The following CFAP20DC variants were observed in gnomAD, a reference collection of about 807,000 sequenced individuals.
CFAP20DC encodes the protein protein CFAP20DC.
Under a neutral mutation model 101.7 loss-of-function variants are expected in CFAP20DC, and 84 were observed. The observed-to-expected ratio is 0.83, with a 90% CI of 0.69 to 0.99. The LOEUF is 0.99. CFAP20DC is among the 50% of genes least tolerant of loss of function. The pLI is 0.00. For synonymous variants in CFAP20DC, 359 were observed against 351.2 expected (o/e 1.02, Z -0.25); for missense variants, 1,007 against 970.3 (o/e 1.04, Z -0.50).
At chr3:58,949,882 A>G (rs1157990693) in intron 4 of CFAP20DC, among the ~76,000 whole-genome samples, 1 of 152,158 alleles carries the variant, frequency 6.6e-6, no homozygotes, top group Non-Finnish European at 1.5e-5. Context: ...GCCCTCTCTC[A>G]CCACTCCTAT....
intron 4 of CFAP20DC, among the ~76,000 whole-genome samples, chr3:59,008,218 T>C (rs910029258): frequency 3.5e-4 from 54 of 152,294 alleles, no homozygotes; most frequent in Admixed American, 3.2e-3. Flanking sequence ...TGAAAAGAGA[T>C]GCCTGTCTGA....
chr3:58,871,620 C>T (rs2108537118), intron 7 of CFAP20DC, among the ~76,000 whole-genome samples: 1 of 152,030 alleles, frequency 6.6e-6, no homozygotes, highest in South Asian at 2.1e-4. Context: ...CCGCCGCCTC[C>T]TGGGTTCAAG....
intron 12 of CFAP20DC, among the ~76,000 whole-genome samples, chr3:58,855,124 T>A (rs2078650496): frequency 6.6e-6 from 1 of 151,136 alleles, no homozygotes; most frequent in Admixed American, 6.6e-5. Context: ...TACAATGAAC[T>A]CAAACAAATT....
intron 4 of CFAP20DC, among the ~76,000 whole-genome samples, chr3:58,985,482 A>G (rs1395863606): frequency 6.6e-6 from 1 of 152,136 alleles, no homozygotes; most frequent in East Asian, 1.9e-4. Context: ...AATTCATAAA[A>G]ACTATCAATC....
chr3:58,717,962 C>T lies in CFAP20DC; in HGVS notation c.198-334G>A, dbSNP rs1027419372. On this transcript the variant is annotated intron_variant, in intron 3 of 3. Coordinates refer to the CFAP20DC transcript ENST00000486145. This position sits in a 1 kb window ranked among gnomAD's most constrained non-coding sequence, Gnocchi z 4.1. Reference sequence around the variant, plus strand: ...TCTTAATAAGTTCTCTTCTCAAAAGCTTATGATTTTTACCATTCCCATTTG... The same window carrying T: ...TCTTAATAAGTTCTCTTCTCAAAAGTTTATGATTTTTACCATTCCCATTTG... Among the ~76,000 whole-genome samples, 3 of 152,198 alleles carry T rather than the reference C, an allele frequency of 2.0e-5. No homozygotes were observed. The highest frequency in any genetic ancestry group is 4.4e-5 in the Non-Finnish European group (3 of 68,040).
intron 6 of CFAP20DC, among the ~76,000 whole-genome samples, chr3:58,885,876 G>C (rs999863388): frequency 1.3e-5 from 2 of 151,856 alleles, no homozygotes; most frequent in Non-Finnish European, 2.9e-5. Context: ...CACCTATGTT[G>C]ATTCTGTATC....
intron 6 of CFAP20DC, among the ~76,000 whole-genome samples, chr3:58,888,451 C>A: frequency 6.6e-6 from 1 of 151,826 alleles, no homozygotes; most frequent in East Asian, 1.9e-4. Flanking sequence ...GGAGGGTGTG[C>A]AGGTTTATTA....
intron 15 of CFAP20DC, among the ~76,000 whole-genome samples, chr3:58,760,675 C>T (rs2069473286): frequency 6.6e-6 from 1 of 152,158 alleles, no homozygotes; most frequent in Non-Finnish European, 1.5e-5. Flanking sequence ...GTGGGATTGT[C>T]ATAAATAGCT....
Position 58,937,645 on chromosome 3 carries a change from T to C in CFAP20DC, c.393+3A>G, listed in dbSNP as rs1256997528. Reference sequence around the variant, plus strand: ...TTTTAGGCAACATTCATGTGATACTTACAATTTTACGTTTGATCATGAAGA... The same window carrying C: ...TTTTAGGCAACATTCATGTGATACTCACAATTTTACGTTTGATCATGAAGA... On this transcript the variant is annotated splice_donor_region_variant and intron_variant, in intron 5 of 16. Transcript: ENST00000482387. The C allele has an allele frequency of 1.3e-6, 2 of 1,552,680 alleles. No individual in the cohort carries two copies. The highest frequency in any genetic ancestry group is 2.2e-5 in the South Asian group (2 of 89,722).
chr3:58,926,688 C>T (rs1559835042), intron 5 of CFAP20DC, among the ~76,000 whole-genome samples: 1 of 152,138 alleles, frequency 6.6e-6, no homozygotes, highest in Non-Finnish European at 1.5e-5. Context: ...AAACATTATA[C>T]CAGACTTCCA....
Position 58,960,214 on chromosome 3 carries a change from C to T in CFAP20DC, c.279-22452G>A, listed in dbSNP as rs943084110. ...AAATTTTGTCCATCTATTCCTAGGCCGGGCGTGGTGGCTCATGCCTGTAAT... is the reference window on the plus strand; with the variant it reads ...AAATTTTGTCCATCTATTCCTAGGCTGGGCGTGGTGGCTCATGCCTGTAAT... On this transcript the variant is annotated intron_variant, in intron 4 of 16. Transcript: ENST00000482387. Among the ~76,000 whole-genome samples the T allele has an allele frequency of 3.9e-5, 6 of 152,202 alleles. No individual in the cohort carries two copies. The East Asian group carries it at 9.6e-4, about 24-fold the overall frequency.
chr3:58,989,477 T>C (rs1017327912), intron 4 of CFAP20DC, among the ~76,000 whole-genome samples: 2 of 152,122 alleles, frequency 1.3e-5, no homozygotes, highest in Admixed American at 1.3e-4. Flanking sequence ...TATGCAAAGA[T>C]GACACTATAA....
At chr3:59,008,728 G>T (rs534235707) in intron 4 of CFAP20DC, among the ~76,000 whole-genome samples, 1 of 152,020 alleles carries the variant, frequency 6.6e-6, no homozygotes, top group Non-Finnish European at 1.5e-5. Context: ...GAGGAGGGGG[G>T]AGGGATAGCA....
rs959332039 is a variant in CFAP20DC at position 58,809,420 on chromosome 3, A to G, written c.2176-2964T>C. On this transcript the variant is annotated intron_variant, in intron 14 of 16. Coordinates refer to ENST00000482387, the MANE Select transcript of CFAP20DC (RefSeq NM_001394063.1). ...AACTCACTTAAAACCGCTCAACTACATGGAAACTGAACAACCTGCTCCTGA... is the reference window on the plus strand; with the variant it reads ...AACTCACTTAAAACCGCTCAACTACGTGGAAACTGAACAACCTGCTCCTGA... Among the ~76,000 whole-genome samples, 13 of 152,310 alleles carry G rather than the reference A, an allele frequency of 8.5e-5. No individual in the cohort carries two copies. In the East Asian group the frequency reaches 1.5e-3, roughly 18 times the overall value.
In CFAP20DC at chr3:58,811,400, G is replaced by A. The variant is rs927401916; in HGVS notation, c.2176-4944C>T. 6.3e-4 allele frequency among the ~76,000 whole-genome samples: 95 copies of A among 151,846 alleles called. 2 individuals carry two copies. The highest frequency in any genetic ancestry group is 1.9e-3 in the African/African-American group (80 of 41,422). Reference sequence around the variant, plus strand: ...GAACAGAGCCCTCAGAAATAACGCCGCATATCTACAACTATCTGATCTTTG... The same window carrying A: ...GAACAGAGCCCTCAGAAATAACGCCACATATCTACAACTATCTGATCTTTG... On this transcript the variant is annotated intron_variant, in intron 14 of 16. Coordinates refer to ENST00000482387, the MANE Select transcript of CFAP20DC (RefSeq NM_001394063.1).
At position 58,939,088 on chromosome 3, in the gene CFAP20DC, G is replaced by A. The variant is rs797015735; in HGVS notation, c.279-1326C>T. Among the ~76,000 whole-genome samples the A allele has an allele frequency of 5.9e-5, 9 of 152,136 alleles. No homozygotes were observed. In the South Asian group the frequency reaches 1.9e-3, roughly 32 times the overall value. On this transcript the variant is annotated intron_variant, in intron 4 of 16. Transcript: ENST00000482387. ...GAGTGATATGCAACAATCCACTGAA[G>A]TGCAGGAAGAAAACATTAGAACTTT...
chr3:58,801,027 G>A (rs1297789378), intron 15 of CFAP20DC, among the ~76,000 whole-genome samples: 1 of 149,720 alleles, frequency 6.7e-6, no homozygotes, highest in African/African-American at 2.5e-5. Flanking sequence ...CTGGGGTGGG[G>A]TGGGGTGGGG....
At chr3:58,905,068 C>G (rs2083467481) in intron 6 of CFAP20DC, among the ~76,000 whole-genome samples, 1 of 152,118 alleles carries the variant, frequency 6.6e-6, no homozygotes, top group Non-Finnish European at 1.5e-5. Context: ...AGTCTGAAAT[C>G]ATACCTTAAT....
At chr3:58,871,632 G>A (rs1328271023) in intron 7 of CFAP20DC, among the ~76,000 whole-genome samples, 2 of 151,478 alleles carry the variant, frequency 1.3e-5, no homozygotes, top group Non-Finnish European at 2.9e-5. Flanking sequence ...GGGTTCAAGC[G>A]ATTCTCATGC....
Sources: allele counts gnomAD v4.1 joint callset (sites outside exome capture counted in the v4.1 genomes callset), GRCh38; gene constraint gnomAD v4.1.1; non-coding constraint Gnocchi (gnomAD v3.1); transcripts MANE v1.5; gene names NCBI Gene and HGNC (gene_info 2026-07-23, HGNC 2026-07-21).